PPARGC1A: variants seen among roughly 807,000 people sequenced by gnomAD.
PPARGC1A encodes the protein peroxisome proliferator-activated receptor gamma coactivator 1-alpha.
In PPARGC1A, 25 loss-of-function variants were observed where a neutral mutation model predicts 88.7. That is an observed-to-expected ratio of 0.28 (90% CI 0.21 to 0.39). The LOEUF (loss-of-function observed/expected upper bound fraction) is 0.39, where lower values mean the gene tolerates loss of function less well. Among genes scored for constraint, PPARGC1A ranks in the 10% least tolerant of loss-of-function variants. The pLI is 1.00. For missense variants in PPARGC1A, 880 were observed against 968.7 expected (o/e 0.91, Z 1.22); for synonymous variants, 363 against 355.6 (o/e 1.02, Z -0.24).
chr4:24,226,923 C>T, the PPARGC1A span, among the ~76,000 whole-genome samples: 1 of 152,090 alleles, frequency 6.6e-6, no homozygotes, highest in Admixed American at 6.6e-5. Flanking sequence ...TCTCCCACAC[C>T]CCCTCCAAGT....
At chr4:24,207,128 C>G in the PPARGC1A span, among the ~76,000 whole-genome samples, 3 of 151,958 alleles carry the variant, frequency 2.0e-5, no homozygotes, top group Admixed American at 6.6e-5. Context: ...AACATAAAAT[C>G]AGTCTTTGAG....
the PPARGC1A span, among the ~76,000 whole-genome samples, chr4:24,158,671 C>G: frequency 3.9e-5 from 6 of 152,256 alleles, no homozygotes; most frequent in South Asian, 4.1e-4. Flanking sequence ...CAGGCAGAAG[C>G]TGGCTTAAAT....
chr4:24,304,323 T>C, the PPARGC1A span, among the ~76,000 whole-genome samples: 2 of 152,202 alleles, frequency 1.3e-5, no homozygotes, highest in South Asian at 2.1e-4. Context: ...AAGAGACTTA[T>C]TATAACTTAT....
At chr4:23,895,923 A>G (rs1718510337) in intron 1 of PPARGC1A, among the ~76,000 whole-genome samples, 1 of 150,924 alleles carries the variant, frequency 6.6e-6, no homozygotes, top group African/African-American at 2.4e-5. Context: ...ACCTGGTTCA[A>G]TAAATTATAG....
At chr4:24,448,679 G>T in the PPARGC1A span, among the ~76,000 whole-genome samples, 32 of 152,216 alleles carry the variant, frequency 2.1e-4, no homozygotes, top group Non-Finnish European at 3.2e-4. Context: ...CCTCTGCCTG[G>T]AACACTACCC....
the PPARGC1A span, among the ~76,000 whole-genome samples, chr4:24,312,035 C>T: frequency 1.3e-4 from 20 of 152,196 alleles, no homozygotes; most frequent in African/African-American, 4.1e-4. Context: ...ATCCTTCACT[C>T]GTCTCCCGCT....
chr4:23,962,277 G>A, the PPARGC1A span, among the ~76,000 whole-genome samples: 872 of 152,146 alleles, frequency 5.7e-3, 44 homozygotes, highest in East Asian at 0.092. Context: ...AAAGCAACCC[G>A]GAAAGGGACC....
At chr4:24,303,853 C>G in the PPARGC1A span, among the ~76,000 whole-genome samples, 9 of 152,298 alleles carry the variant, frequency 5.9e-5, no homozygotes, top group African/African-American at 2.2e-4. Flanking sequence ...CTCTCCATGT[C>G]TGGTTTAACT....
chr4:24,135,995 G>C, the PPARGC1A span, among the ~76,000 whole-genome samples: 1 of 152,156 alleles, frequency 6.6e-6, no homozygotes, highest in Non-Finnish European at 1.5e-5. Flanking sequence ...GAGAGCAGAG[G>C]GGGTACGCTT....
the PPARGC1A span, among the ~76,000 whole-genome samples, chr4:24,080,736 C>T: frequency 1.4e-4 from 21 of 152,138 alleles, no homozygotes; most frequent in South Asian, 4.4e-3. Context: ...ATTGTAATCC[C>T]ATTTTAAAGA....
the PPARGC1A span, among the ~76,000 whole-genome samples, chr4:24,131,946 T>A: frequency 6.6e-6 from 1 of 152,206 alleles, no homozygotes; most frequent in Non-Finnish European, 1.5e-5. Flanking sequence ...CATGGCACAA[T>A]GCTTATGCAC....
At chr4:23,814,977 A>G (rs1197223952) in intron 7 of PPARGC1A, among the ~76,000 whole-genome samples, 1 of 152,180 alleles carries the variant, frequency 6.6e-6, no homozygotes, top group African/African-American at 2.4e-5. Context: ...TGCTTTATGG[A>G]AAATTAACAA....
the PPARGC1A span, among the ~76,000 whole-genome samples, chr4:24,316,485 C>G: frequency 2.6e-5 from 4 of 152,284 alleles, no homozygotes; most frequent in Admixed American, 6.5e-5. Context: ...TGCTGAGGAG[C>G]CTTAGCTACA....
chr4:24,432,674 G>A, the PPARGC1A span, among the ~76,000 whole-genome samples: 1 of 152,184 alleles, frequency 6.6e-6, no homozygotes, highest in Admixed American at 6.5e-5. Flanking sequence ...AGCCCCACTG[G>A]ATGGGGTTGT....
At chr4:24,274,351 C>T in the PPARGC1A span, among the ~76,000 whole-genome samples, 1 of 152,090 alleles carries the variant, frequency 6.6e-6, no homozygotes, top group Non-Finnish European at 1.5e-5. Context: ...CAGAAGTCTA[C>T]CCTGGTTTTA....
chr4:24,065,902 G>C, the PPARGC1A span, among the ~76,000 whole-genome samples: 8 of 152,122 alleles, frequency 5.3e-5, no homozygotes, highest in Non-Finnish European at 1.0e-4. Context: ...AAGGAAATTA[G>C]GCCCAGGCCC....
the PPARGC1A span, among the ~76,000 whole-genome samples, chr4:24,137,620 T>C: frequency 2.6e-5 from 4 of 152,110 alleles, no homozygotes; most frequent in Non-Finnish European, 5.9e-5. Flanking sequence ...CAGAGGCCCT[T>C]GCCCAGTCTA....
At chr4:24,121,319 C>T in the PPARGC1A span, among the ~76,000 whole-genome samples, 89 of 152,262 alleles carry the variant, frequency 5.8e-4, no homozygotes, top group Middle Eastern at 3.4e-3. Flanking sequence ...GTTAGAACAC[C>T]GCCAACCCTG....
the PPARGC1A span, among the ~76,000 whole-genome samples, chr4:24,226,735 C>T: frequency 6.6e-6 from 1 of 152,216 alleles, no homozygotes; most frequent in African/African-American, 2.4e-5. Context: ...TGGGCTGTCT[C>T]ATTTGGAAAA....
Sources: allele counts gnomAD v4.1 joint callset (sites outside exome capture counted in the v4.1 genomes callset), GRCh38; gene constraint gnomAD v4.1.1; transcripts MANE v1.5; gene names NCBI Gene and HGNC (gene_info 2026-07-23, HGNC 2026-07-21).